TRIM29: variants seen among roughly 807,000 people sequenced by gnomAD.
The protein encoded by TRIM29 is tripartite motif containing 29.
A neutral mutation model predicts 57.3 loss-of-function variants in TRIM29; 52 were observed. That is an observed-to-expected ratio of 0.91 (90% confidence interval 0.73 to 1.14). The LOEUF is 1.14. TRIM29 is among the 50% of genes most tolerant of loss of function. The pLI is 0.00. For missense variants in TRIM29, 753 were observed against 774.6 expected, an observed-to-expected ratio of 0.97 and a Z score of 0.33; for synonymous variants, 319 against 316.9, an observed-to-expected ratio of 1.01 and a Z score of -0.07.
chr11:120,125,959 G>A, intron 3 of TRIM29, 70 bp from the exon 4 acceptor site: 4 of 1,486,694 alleles, frequency 2.7e-6, no homozygotes, highest in Non-Finnish European at 2.8e-6. Context: ...CTCTGCCAGG[G>A]GCTCTCACAG....
chr11:120,133,212 T>C (rs1863752023), intron 1 of TRIM29, among the ~76,000 whole-genome samples: 1 of 152,206 alleles, frequency 6.6e-6, no homozygotes, highest in African/African-American at 2.4e-5. Context: ...CTGATTCTGG[T>C]CTGGGGATTG....
At chr11:120,129,927 A>G (rs1390726036) in intron 1 of TRIM29, among the ~76,000 whole-genome samples, 1 of 152,148 alleles carries the variant, frequency 6.6e-6, no homozygotes, top group African/African-American at 2.4e-5. Flanking sequence ...CATGGAAAAT[A>G]CCATCACCAG....
rs2135034768 is a variant in TRIM29 at position 120,137,149 on chromosome 11, C to A, written c.804+79G>T. 1 of 1,511,828 alleles carries A rather than the reference C, an allele frequency of 6.6e-7. No homozygotes were observed. Among genetic ancestry groups the A allele is most frequent in the Non-Finnish European group, 9.0e-7 (1 of 1,108,126 alleles). 93.7% of individuals were successfully genotyped at this position (1,511,828 alleles called of 1,614,324 possible). The stretch of plus-strand genomic sequence containing the variant: ...CTTAAGCCCCAAACCCGAGGAAGCC[C>A]GAGTGGAGAAGATGAAGTTCGGAGG... On this transcript the variant is annotated intron_variant, in intron 1 of 8. Coordinates refer to ENST00000341846, the MANE Select transcript of TRIM29 (RefSeq NM_012101.4). This position sits in a 1 kb window ranked among gnomAD's most constrained non-coding sequence, Gnocchi z 6.2.
chr11:120,137,461 G>A lies in TRIM29; in HGVS notation c.571C>T (p.Gln191Ter). The A allele has an allele frequency of 1.9e-6, 3 of 1,604,562 alleles. No individual in the cohort carries two copies. The highest frequency in any genetic ancestry group is 2.5e-6 in the Non-Finnish European group (3 of 1,179,918). Residue 191 changes from glutamine (Q) to a stop codon, truncating the protein, a stop_gained, in exon 1 of 9, where the codon CAG becomes TAG. Transcript: ENST00000341846. LOFTEE classifies it high-confidence loss of function. The surrounding 1 kb of genome is among the most constrained non-coding windows in gnomAD (Gnocchi z 6.2). ...QKAVKSCLVC[Q>*]ASFCELHLKP... The stretch of plus-strand genomic sequence containing the variant: ...AGATGCAGCTCGCAGAAGGAGGCCT[G>A]GCACACCAGGCAGGACTTGACCGCC...
chr11:120,123,183 C>T lies in TRIM29; in HGVS notation c.1334-128G>A, dbSNP rs551611390. On this transcript the variant is annotated intron_variant, in intron 4 of 8. Coordinates refer to ENST00000341846, the MANE Select transcript of TRIM29 (RefSeq NM_012101.4). ...CTATCTCCCAGGCAGATCCAAGTTT[C>T]CCCAACCTCTCAGAGAATATGACGC... The T allele has an allele frequency of 1.0e-4, 69 of 657,206 alleles. 1 individual carries two copies. Among genetic ancestry groups the T allele is most frequent in the Middle Eastern group, 9.3e-4 (4 of 4,298 alleles). 40.7% of individuals were successfully genotyped at this position (657,206 alleles called of 1,614,324 possible).
chr11:120,134,860 G>A (rs1405142251), intron 1 of TRIM29, among the ~76,000 whole-genome samples: 1 of 152,200 alleles, frequency 6.6e-6, no homozygotes, highest in South Asian at 2.1e-4. Context: ...CTATCTGCAA[G>A]GTGAGGGAGG....
At chr11:120,113,733 G>C (rs536722756) in intron 8 of TRIM29, 4 of 455,590 alleles carry the variant, frequency 8.8e-6, no homozygotes, top group African/African-American at 8.0e-5. Context: ...GCCTGGACCA[G>C]GTCTCCTGAC....
At chr11:120,127,184 G>T in intron 3 of TRIM29, 152 bp downstream of exon 3, 1 of 667,786 alleles carries the variant, frequency 1.5e-6, no homozygotes, top group Non-Finnish European at 2.5e-6. Context: ...ATAGATGGAT[G>T]AATGGATGGA....
intron 1 of TRIM29, among the ~76,000 whole-genome samples, chr11:120,134,389 G>C (rs1484866520): frequency 1.3e-5 from 2 of 152,196 alleles, no homozygotes; most frequent in Non-Finnish European, 2.9e-5. Flanking sequence ...AACGGGTTCT[G>C]AACAAAGCCA....
chr11:120,130,648 G>T (rs898945580), intron 1 of TRIM29, among the ~76,000 whole-genome samples: 1 of 152,216 alleles, frequency 6.6e-6, no homozygotes, highest in Non-Finnish European at 1.5e-5. Context: ...GATGCCCTGG[G>T]ATTGGGAGTG....
chr11:120,118,046 C>A (rs578039249), intron 7 of TRIM29, 177 bp downstream of exon 7: 8 of 626,876 alleles, frequency 1.3e-5, no homozygotes, highest in Non-Finnish European at 1.7e-5. Context: ...GCCCAGCCCC[C>A]ACCCCTGCCC....
At chr11:120,117,193 A>G (rs1863293310) in intron 7 of TRIM29, 1 of 238,360 alleles carries the variant, frequency 4.2e-6, no homozygotes, top group African/African-American at 2.3e-5. Context: ...TCTGTGGGCC[A>G]GGCTTGAGCA....
Position 120,115,872 on chromosome 11 carries a change from G to A in TRIM29, c.1628-458C>T, listed in dbSNP as rs752850224. The A allele has an allele frequency of 1.6e-4, 28 of 175,840 alleles. No individual in the cohort carries two copies. The Middle Eastern group carries it at 0.01, about 66-fold the overall frequency. 10.9% of individuals were successfully genotyped at this position (175,840 alleles called of 1,614,324 possible). On this transcript the variant is annotated intron_variant, in intron 7 of 8. Coordinates refer to ENST00000341846, the MANE Select transcript of TRIM29 (RefSeq NM_012101.4). ...TGTTTGGACGATGCTTCCCATTCAC[G>A]GAGCCCCACTTGTGCCAAGCACTGT...
intron 1 of TRIM29, among the ~76,000 whole-genome samples, chr11:120,132,769 T>C (rs1863744929): frequency 6.6e-6 from 1 of 152,214 alleles, no homozygotes; most frequent in South Asian, 2.1e-4. Context: ...AGACAAATGG[T>C]AATTATCTGG....
intron 1 of TRIM29, among the ~76,000 whole-genome samples, chr11:120,136,443 C>T (rs1406830511): frequency 1.3e-5 from 2 of 152,214 alleles, no homozygotes; most frequent in Non-Finnish European, 2.9e-5. Context: ...ATCAAACCAT[C>T]CTAAGTCAGG....
rs1863142713 is a variant in TRIM29, at chr11:120,111,858, C to G, written c.*556G>C. On this transcript the variant is annotated 3_prime_UTR_variant, in exon 9 of 9. Transcript: ENST00000341846. ...TTCCATCTGCAGTGGCCAAGGGCTG[C>G]AGGTTCTGCCATGCTGGGCATTGAT... The G allele has an allele frequency of 6.4e-6, 1 of 155,686 alleles. No individual in the cohort carries two copies. Among genetic ancestry groups the G allele is most frequent in the South Asian group, 2.0e-4 (1 of 5,070 alleles). The allele number at this position is 155,686 out of a possible 1,614,324, so 9.6% of individuals were successfully genotyped here.
intron 8 of TRIM29, chr11:120,113,547 C>G (rs1565311222): frequency 2.2e-6 from 1 of 451,012 alleles, no homozygotes; most frequent in African/African-American, 2.0e-5. Flanking sequence ...CTCAAGGGTA[C>G]ACTGCCTTTG....
At position 120,123,031 on chromosome 11, in the gene TRIM29, T is replaced by C. The variant is rs1357975896; in HGVS notation, c.1358A>G (p.Asn453Ser). The change falls in exon 5 of 9, where the codon AAC becomes AGC. Residue 453 changes from asparagine (N) to serine (S), a missense_variant. By Grantham distance (46) the Asn-to-Ser change is conservative (BLOSUM62 1). Coordinates refer to ENST00000341846, the MANE Select transcript of TRIM29 (RefSeq NM_012101.4). ...ENGGDHRYVN[N>S]YTNSFGGEWS... ...CTCACCCCCGAAGCTGTTCGTGTAG[T>C]TGTTCACATAGCGATGGTCACCACC... 1 of 1,613,926 alleles carries C rather than the reference T, an allele frequency of 6.2e-7. No individual in the cohort carries two copies. Among genetic ancestry groups the C allele is most frequent in the Non-Finnish European group, 8.5e-7 (1 of 1,179,986 alleles).
intron 4 of TRIM29, 80 bp from the exon 5 acceptor site, chr11:120,123,135 T>A (rs1464033332): frequency 1.7e-6 from 2 of 1,184,960 alleles, no homozygotes; most frequent in Non-Finnish European, 2.5e-6. Context: ...GGGGCTCAGA[T>A]GAGTCACCCC....
Sources: gnomAD v4.1 joint callset for allele counts (sites outside exome capture counted in the v4.1 genomes callset) on GRCh38, gnomAD v4.1.1 for gene constraint, Gnocchi (gnomAD v3.1) non-coding constraint, MANE v1.5 for transcripts, NCBI Gene and HGNC (gene_info 2026-07-23, HGNC 2026-07-21) for gene names.